The following STXBP4 variants were observed in gnomAD, a reference collection of about 807,000 sequenced individuals.
STXBP4 encodes syntaxin binding protein 4.
A neutral mutation model predicts 76.1 loss-of-function variants in STXBP4; 55 were observed. The ratio of observed to expected loss-of-function variants is 0.72; its 90% CI spans 0.58 to 0.91. The LOEUF (loss-of-function observed/expected upper bound fraction) is 0.91. STXBP4 is among the 40% of genes least tolerant of loss of function. STXBP4 has a pLI of 0.00. For missense variants in STXBP4, 618 were observed against 636.9 expected (o/e 0.97, Z 0.32); for synonymous variants, 201 against 220.2 (o/e 0.91, Z 0.77).
chr17:55,017,812 G>A (rs2078235713), intron 8 of STXBP4, among the ~76,000 whole-genome samples: 1 of 152,170 alleles, frequency 6.6e-6, no homozygotes, highest in African/African-American at 2.4e-5. Context: ...GGAGTTGTTA[G>A]AAAGCCCTTT....
intron 16 of STXBP4, among the ~76,000 whole-genome samples, chr17:55,088,453 T>C (rs1369490355): frequency 6.6e-6 from 1 of 152,118 alleles, no homozygotes; most frequent in Non-Finnish European, 1.5e-5. Flanking sequence ...TGGAGTACAA[T>C]GATGTGATCC....
chr17:55,201,750 C>T, the STXBP4 span, among the ~76,000 whole-genome samples: 6 of 152,172 alleles, frequency 3.9e-5, no homozygotes, highest in Admixed American at 3.9e-4. Context: ...TCTGTATTTG[C>T]TTCATCAGCA....
intron 4 of STXBP4, among the ~76,000 whole-genome samples, chr17:54,992,932 C>T (rs1378021774): frequency 6.6e-6 from 1 of 151,952 alleles, no homozygotes; most frequent in Non-Finnish European, 1.5e-5. Flanking sequence ...AGGCTAGTCT[C>T]GAACTCCCAA....
At chr17:55,052,885 TA>T (rs57404823) in intron 12 of STXBP4, among the ~76,000 whole-genome samples, 22,858 of 103,944 alleles carry the variant, frequency 0.22, 2,533 homozygotes, top group Middle Eastern at 0.34. Flanking sequence ...AAGTTTTGTT[TA>T]AAAAAAAAAA....
At chr17:54,989,973 A>G (rs1209341037) in intron 3 of STXBP4, among the ~76,000 whole-genome samples, 2 of 152,376 alleles carry the variant, frequency 1.3e-5, no homozygotes, top group East Asian at 3.9e-4. Flanking sequence ...TTTTAAAGCT[A>G]CTTAAAATAT....
At chr17:55,007,767 G>A (rs771159916) in intron 8 of STXBP4, among the ~76,000 whole-genome samples, 170 bp downstream of exon 8, 7 of 152,132 alleles carry the variant, frequency 4.6e-5, no homozygotes, top group Non-Finnish European at 8.8e-5. Flanking sequence ...TTTGAATTTG[G>A]TAGTTCATGG....
downstream of STXBP4, among the ~76,000 whole-genome samples, chr17:55,177,740 C>A (rs768754455): frequency 4.6e-5 from 7 of 152,180 alleles, no homozygotes; most frequent in African/African-American, 7.2e-5. Context: ...CTTATGACTG[C>A]AGAGGGGAAA....
At chr17:54,992,538 A>AT (rs200991098) in intron 4 of STXBP4, among the ~76,000 whole-genome samples, 1 of 151,736 alleles carries the variant, frequency 6.6e-6, no homozygotes, top group African/African-American at 2.4e-5. Context: ...AAAAAAATGA[A>AT]TTTTTTCTTC....
chr17:55,185,266 T>TCTTCTTCTTCTC, the STXBP4 span, among the ~76,000 whole-genome samples: 2 of 53,066 alleles, frequency 3.8e-5, no homozygotes, highest in African/African-American at 1.9e-4. Flanking sequence ...TCCTTCTCCT[T>TCTTCTTCTTCTC]CTCCTTCTCC....
intron 4 of STXBP4, among the ~76,000 whole-genome samples, chr17:54,995,511 G>A (rs759212958): frequency 7.2e-5 from 11 of 151,982 alleles, no homozygotes; most frequent in South Asian, 2.1e-4. Context: ...TGCATATATC[G>A]GTATGTAATA....
At chr17:55,185,293 CCTTCTCCTTCTCCTTCTCCTTCTCCTT>C in the STXBP4 span, among the ~76,000 whole-genome samples, 2 of 113,480 alleles carry the variant, frequency 1.8e-5, no homozygotes, top group Admixed American at 8.9e-5. Context: ...TTCTCCTTCT[CCTTCTCCTTCTCCTTCTCCTTCTCCTT>C]CTCCTTCTCC....
In STXBP4 at chr17:54,976,587, C is replaced by T. The variant is rs376144893; in HGVS notation, c.-157+7772C>T. Among the ~76,000 whole-genome samples the T allele has an allele frequency of 1.5e-3, 232 of 152,242 alleles. 7 individuals carry two copies. The South Asian group carries it at 0.045, about 29-fold the overall frequency. ...AGTCCTTAGGCTGCAGACTAGTAGCCGTCCATGGCCTGTTAGGAACCCGGC... is the reference window on the plus strand; with the variant it reads ...AGTCCTTAGGCTGCAGACTAGTAGCTGTCCATGGCCTGTTAGGAACCCGGC... On this transcript the variant is annotated intron_variant, in intron 1 of 17. Coordinates refer to ENST00000376352, the MANE Select transcript of STXBP4 (RefSeq NM_178509.6).
chr17:55,195,252 T>G, the STXBP4 span, among the ~76,000 whole-genome samples: 1 of 152,192 alleles, frequency 6.6e-6, no homozygotes, highest in Non-Finnish European at 1.5e-5. Context: ...AGAGATCTTA[T>G]GAAGTTCAGT....
intron 12 of STXBP4, among the ~76,000 whole-genome samples, chr17:55,060,276 G>T (rs980895533): frequency 6.6e-6 from 1 of 152,044 alleles, no homozygotes; most frequent in Non-Finnish European, 1.5e-5. Flanking sequence ...CAGACCTATT[G>T]TTAATGAAAG....
chr17:55,018,729 C>T (rs2078253136), intron 8 of STXBP4, among the ~76,000 whole-genome samples: 1 of 151,574 alleles, frequency 6.6e-6, no homozygotes, highest in Admixed American at 6.6e-5. Flanking sequence ...GTGGATCTCA[C>T]AAAATACATT....
chr17:55,010,132 A>C (rs1363490003), intron 8 of STXBP4, among the ~76,000 whole-genome samples: 3 of 152,038 alleles, frequency 2.0e-5, no homozygotes, highest in South Asian at 4.1e-4. Context: ...AAAATTTCAC[A>C]AGGAAAGGAT....
intron 1 of STXBP4, among the ~76,000 whole-genome samples, chr17:54,970,646 A>G (rs187870713): frequency 5.3e-5 from 8 of 152,294 alleles, no homozygotes; most frequent in East Asian, 1.9e-4. Flanking sequence ...GAGATTTCTC[A>G]AAGTTTAATT....
intron 1 of STXBP4, among the ~76,000 whole-genome samples, chr17:54,973,767 C>G (rs927533472): frequency 2.0e-5 from 3 of 152,170 alleles, no homozygotes; most frequent in Non-Finnish European, 4.4e-5. Flanking sequence ...TAATCCAACC[C>G]TGTTTTGTAG....
intron 17 of STXBP4, among the ~76,000 whole-genome samples, chr17:55,150,103 G>A (rs1598352012): frequency 6.6e-6 from 1 of 152,102 alleles, no homozygotes; most frequent in East Asian, 1.9e-4. Context: ...TTGCTGCCAG[G>A]ACCCTTTATT....
Sources: allele counts gnomAD v4.1 joint callset (sites outside exome capture counted in the v4.1 genomes callset), GRCh38; gene constraint gnomAD v4.1.1; transcripts MANE v1.5; gene names NCBI Gene and HGNC (gene_info 2026-07-23, HGNC 2026-07-21).